The following MPP1 variants were observed in gnomAD, a reference collection of about 807,000 sequenced individuals.
MPP1 encodes the protein MAGUK p55 scaffold protein 1.
A neutral mutation model predicts 38.2 loss-of-function variants in MPP1; 6 were observed. The observed-to-expected ratio is 0.16, with a 90% confidence interval of 0.09 to 0.31. The LOEUF (loss-of-function observed/expected upper bound fraction) is 0.31, where lower values mean the gene tolerates loss of function less well. MPP1 is among the 10% of genes least tolerant of loss of function. The probability of loss-of-function intolerance (pLI) is 1.00; values close to 1 mark genes in which losing one functional copy is unlikely to be tolerated. For missense variants in MPP1, 293 were observed against 368.9 expected (o/e 0.79, Z 1.69); for synonymous variants, 153 against 146.3 (o/e 1.05, Z -0.33).
In MPP1 at chrX:154,786,359, G is replaced by A. The variant is rs138653175; in HGVS notation, c.522C>T (p.Asp174=). 3 of 1,209,761 alleles carry A rather than the reference G, an allele frequency of 2.5e-6. No individual in the cohort carries two copies. The highest frequency in any genetic ancestry group is 3.4e-6 in the Non-Finnish European group (3 of 895,160). Reference sequence around the variant, plus strand: ...CCGCCTCCTTGCAAGGGATCAGATTGTCCTTTTTGGGATCATAGTCAAACT... The same window carrying A: ...CCGCCTCCTTGCAAGGGATCAGATTATCCTTTTTGGGATCATAGTCAAACT... ...RAQFDYDPKK[D]NLIPCKEAGL... Residue 174 remains aspartate (D), a synonymous_variant, in exon 6 of 12, where the codon GAC becomes GAT. Coordinates refer to ENST00000369534, the MANE Select transcript of MPP1 (RefSeq NM_002436.4).
intron 6 of MPP1, among the ~76,000 whole-genome samples, chrX:154,785,627 C>T (rs1479229699): frequency 2.7e-5 from 3 of 112,371 alleles, no homozygotes; most frequent in Non-Finnish European, 3.8e-5. Flanking sequence ...GTGTCAACCC[C>T]ACAATGGTTG....
intron 1 of MPP1, chrX:154,804,972 T>G (rs781847837): frequency 2.5e-6 from 1 of 405,380 alleles, no homozygotes; most frequent in Non-Finnish European, 4.5e-6. Context: ...TCTGTTACTC[T>G]GACTTCCGTC....
At chrX:154,801,788 A>AAAAAC (rs1557268726) in intron 1 of MPP1, among the ~76,000 whole-genome samples, 1 of 63,701 alleles carries the variant, frequency 1.6e-5, no homozygotes, top group South Asian at 7.1e-4. Flanking sequence ...AAAAAAAAAC[A>AAAAAC]AAAAACAGAA....
intron 1 of MPP1, among the ~76,000 whole-genome samples, chrX:154,793,877 C>A (rs1200689871): frequency 2.7e-5 from 3 of 111,847 alleles, no homozygotes; most frequent in Middle Eastern, 4.2e-3. Context: ...ACTTTTTGGT[C>A]CCAGAATCCA....
At chrX:154,798,939 G>C (rs192248073) in intron 1 of MPP1, among the ~76,000 whole-genome samples, 88 of 110,833 alleles carry the variant, frequency 7.9e-4, no homozygotes, top group African/African-American at 2.8e-3. Context: ...TCTCCGCATT[G>C]GCCAGGCTGG....
intron 1 of MPP1, chrX:154,804,848 A>T (rs2072302951): frequency 2.9e-6 from 1 of 345,428 alleles, no homozygotes; most frequent in African/African-American, 2.6e-5. Context: ...AGGAACAGTG[A>T]GTGAGCTCTT....
chrX:154,792,049 AACTCCATG>A, intron 2 of MPP1, 85 bp downstream of exon 2: 1 of 1,132,468 alleles, frequency 8.8e-7, no homozygotes, highest in Non-Finnish European at 1.2e-6. Flanking sequence ...CCAATTCCCT[AACTCCATG>A]AGCAGCCTCT....
chrX:154,792,401 C>G, intron 1 of MPP1, 116 bp from the exon 2 acceptor site: 1 of 895,287 alleles, frequency 1.1e-6, no homozygotes, highest in Non-Finnish European at 1.5e-6. Context: ...ATAAGTTTGG[C>G]CTCATTCTTA....
At chrX:154,788,637 G>A (rs1393746787) in intron 5 of MPP1, among the ~76,000 whole-genome samples, 3 of 111,833 alleles carry the variant, frequency 2.7e-5, no homozygotes, top group Non-Finnish European at 5.6e-5. Flanking sequence ...CCTACAACCT[G>A]GCAATTCTAC....
intron 6 of MPP1, 99 bp downstream of exon 6, chrX:154,786,105 G>A (rs2148527760): frequency 1.2e-6 from 1 of 818,019 alleles, no homozygotes; most frequent in South Asian, 2.6e-5. Context: ...AGGTCTCCTT[G>A]GTTGAGAAAC....
At chrX:154,796,472 G>C (rs376321555) in intron 1 of MPP1, among the ~76,000 whole-genome samples, 2 of 111,608 alleles carry the variant, frequency 1.8e-5, no homozygotes, top group African/African-American at 6.5e-5. Flanking sequence ...AGCAGATGGA[G>C]GAATGACCAA....
intron 5 of MPP1, among the ~76,000 whole-genome samples, chrX:154,786,951 C>T (rs957585247): frequency 1.9e-4 from 19 of 101,851 alleles, no homozygotes; most frequent in Non-Finnish European, 3.2e-4. Context: ...TCCACGTCAA[C>T]GTGTCCACAG....
chrX:154,803,530 C>T (rs1364913583), intron 1 of MPP1, among the ~76,000 whole-genome samples: 2 of 111,942 alleles, frequency 1.8e-5, no homozygotes, highest in African/African-American at 3.3e-5. Context: ...TCAAGCATGC[C>T]CATAAGGGAA....
intron 7 of MPP1, 78 bp downstream of exon 7, chrX:154,784,973 C>T (rs782515143): frequency 2.1e-6 from 2 of 957,297 alleles, no homozygotes; most frequent in East Asian, 3.1e-5. Context: ...ACCACCTCCC[C>T]TTTTCTGCTG....
At chrX:154,802,372 G>A (rs1024166747) in intron 1 of MPP1, among the ~76,000 whole-genome samples, 2 of 111,907 alleles carry the variant, frequency 1.8e-5, no homozygotes, top group South Asian at 7.5e-4. Context: ...CCAGCGGGGA[G>A]TAATGCTGCA....
At chrX:154,801,622 G>T (rs1172328067) in intron 1 of MPP1, among the ~76,000 whole-genome samples, 1 of 108,647 alleles carries the variant, frequency 9.2e-6, no homozygotes, top group Non-Finnish European at 1.9e-5. Context: ...AGCCAGGCGT[G>T]TTGGCAGGCG....
intron 1 of MPP1, among the ~76,000 whole-genome samples, chrX:154,792,932 G>C (rs1473877558): frequency 1.8e-5 from 2 of 111,237 alleles, no homozygotes; most frequent in African/African-American, 6.5e-5. Flanking sequence ...AAAGCTAAAT[G>C]AGTTACTCTA....
chrX:154,791,299 G>C, intron 3 of MPP1: 1 of 396,266 alleles, frequency 2.5e-6, no homozygotes, highest in Non-Finnish European at 4.4e-6. Context: ...CAAATTCCTG[G>C]AACTAGAGTG....
In MPP1 at chrX:154,785,214, C is replaced by G. The variant is rs112769441; in HGVS notation, c.678-57G>C. ...TTCCTCCCCCTCCCCTCATACCCCC[C>G]CCAGCCACTCAGTCTCTAATGGCAC... On this transcript the variant is annotated intron_variant, in intron 6 of 11. Transcript: ENST00000369534. 26 of 905,411 alleles carry G rather than the reference C, an allele frequency of 2.9e-5. 2 individuals are homozygous for G. Among genetic ancestry groups the G allele is most frequent in the African/African-American group, 2.7e-4 (13 of 48,419 alleles). 74.6% of individuals were successfully genotyped at this position (905,411 alleles called of 1,213,427 possible).
Sources: gnomAD v4.1 joint callset for allele counts (sites outside exome capture counted in the v4.1 genomes callset) on GRCh38, gnomAD v4.1.1 for gene constraint, MANE v1.5 for transcripts, NCBI Gene and HGNC (gene_info 2026-07-23, HGNC 2026-07-21) for gene names.